The following ASMTL variants were observed in gnomAD, a reference collection of about 807,000 sequenced individuals.
The protein encoded by ASMTL is acetylserotonin O-methyltransferase like, also known as probable bifunctional dTTP/UTP pyrophosphatase/methyltransferase protein.
ASMTL carries 57 observed loss-of-function variants against 60.3 expected under a neutral mutation model. The observed-to-expected ratio is 0.95, with a 90% confidence interval of 0.76 to 1.18. The LOEUF (loss-of-function observed/expected upper bound fraction) is 1.18. Among genes scored for constraint, ASMTL ranks in the 50% most tolerant of loss-of-function variants. The pLI, the probability that ASMTL is intolerant of heterozygous loss-of-function variation, is 0.00. For synonymous variants in ASMTL, 419 were observed against 373.0 expected (o/e 1.12, Z -1.42); for missense variants, 981 against 852.6 (o/e 1.15, Z -1.88).
intron 9 of ASMTL, among the ~76,000 whole-genome samples, chrX:1,420,960 ATT>A (rs57552675): frequency 0.63 from 85,654 of 135,456 alleles, 28,070 homozygotes; most frequent in East Asian, 0.82. Context: ...CTAATCGTTA[ATT>A]TTTTTTTTTT....
chrX:1,452,701 A>G (rs1357059057), intron 1 of ASMTL, 47 bp downstream of exon 1: 3 of 1,498,500 alleles, frequency 2.0e-6, no homozygotes, highest in East Asian at 2.4e-5. Flanking sequence ...TCCGGGGTTC[A>G]GCCCCTCCGT....
intron 1 of ASMTL, among the ~76,000 whole-genome samples, chrX:1,442,869 G>T (rs2091137011): frequency 6.6e-6 from 1 of 152,180 alleles, no homozygotes; most frequent in Non-Finnish European, 1.5e-5. Context: ...GAGACCGTGG[G>T]GTCAGGAATG....
At chrX:1,448,136 C>T (rs1354654959) in intron 1 of ASMTL, among the ~76,000 whole-genome samples, 3 of 148,690 alleles carry the variant, frequency 2.0e-5, no homozygotes, top group Non-Finnish European at 3.0e-5. Context: ...CCATCTTGGA[C>T]ACACACCGCC....
At chrX:1,432,042 G>C (rs2090805088) in intron 6 of ASMTL, 3 of 587,010 alleles carry the variant, frequency 5.1e-6, no homozygotes, top group Admixed American at 3.0e-5. Context: ...CCCAGCGTTG[G>C]CTCCCACCCT....
intron 5 of ASMTL, among the ~76,000 whole-genome samples, chrX:1,433,145 G>T (rs1279770152): frequency 3.3e-5 from 5 of 151,990 alleles, no homozygotes; most frequent in Non-Finnish European, 7.4e-5. Flanking sequence ...GTGCCTCAGG[G>T]TCCGGACACA....
intron 8 of ASMTL, among the ~76,000 whole-genome samples, chrX:1,424,815 C>T (rs2090570463): frequency 6.8e-6 from 1 of 147,738 alleles, no homozygotes; most frequent in Non-Finnish European, 1.5e-5. Flanking sequence ...CCCACCCTTC[C>T]ATTTATCCAT....
chrX:1,408,129 A>T (rs1311713179), intron 12 of ASMTL, among the ~76,000 whole-genome samples: 1 of 120,972 alleles, frequency 8.3e-6, no homozygotes, highest in Non-Finnish European at 1.9e-5. Context: ...TGAGCGCAGG[A>T]GGTCAAGGCT....
At chrX:1,441,679 A>T (rs1226866577) in intron 2 of ASMTL, 1 of 153,768 alleles carries the variant, frequency 6.5e-6, no homozygotes, top group African/African-American at 2.4e-5. Flanking sequence ...ACATAGTAAC[A>T]GATAATCTAC....
intron 4 of ASMTL, 74 bp downstream of exon 4, chrX:1,435,620 G>T: frequency 1.4e-5 from 21 of 1,455,666 alleles, no homozygotes; most frequent in Non-Finnish European, 1.9e-5. Flanking sequence ...TGCTCCCCAG[G>T]ACACCCGGCC....
intron 11 of ASMTL, among the ~76,000 whole-genome samples, chrX:1,417,483 G>A (rs1278115875): frequency 1.4e-5 from 2 of 145,500 alleles, no homozygotes; most frequent in African/African-American, 5.1e-5. Flanking sequence ...ACATATGCAC[G>A]GAAGACACAC....
In ASMTL at chrX:1,433,929, T is replaced by G. The variant is rs147448795; in HGVS notation, c.400+1093A>C. On this transcript the variant is annotated intron_variant, in intron 5 of 12. Transcript: ENST00000381317. The stretch of plus-strand genomic sequence containing the variant: ...AGCCCCTCGAGCAAATGACCCAACC[T>G]GAGCAGGTGCTTGCAGGAGCCAGCA... Among the ~76,000 whole-genome samples the G allele has an allele frequency of 4.2e-3, 643 of 152,236 alleles. 8 individuals carry two copies. Among genetic ancestry groups the G allele is most frequent in the African/African-American group, 0.015 (621 of 41,550 alleles).
intron 1 of ASMTL, among the ~76,000 whole-genome samples, chrX:1,450,752 C>T (rs2091347257): frequency 6.8e-6 from 1 of 147,406 alleles, no homozygotes; most frequent in Admixed American, 6.7e-5. Context: ...CTCCCCCATC[C>T]CTAGGGTTCC....
At position 1,415,840 on chromosome X, in the gene ASMTL, GCACAGA is replaced by G. The variant is rs773580024; in HGVS notation, c.1522+2127_1522+2132del. 8.7e-4 allele frequency among the ~76,000 whole-genome samples: 132 copies of G among 152,084 alleles called. 1 individual carries two copies. Among genetic ancestry groups the G allele is most frequent in the African/African-American group, 2.7e-3 (111 of 41,464 alleles). Reference sequence around the variant, plus strand: ...GACACGCACAGGCAGACCCACGGACGCACAGACACAGACACAGGCACACACACATAT... The same window carrying G: ...GACACGCACAGGCAGACCCACGGACGCACAGACACAGGCACACACACATAT... On this transcript the variant is annotated intron_variant, in intron 11 of 12. Transcript: ENST00000381317.
chrX:1,431,586 C>A (rs1200215847), intron 6 of ASMTL, among the ~76,000 whole-genome samples: 2 of 141,230 alleles, frequency 1.4e-5, no homozygotes, highest in Non-Finnish European at 3.0e-5. Flanking sequence ...ATATAGTATA[C>A]ATATTACAGT....
In ASMTL at chrX:1,436,316, G is replaced by A. The variant is rs1480331182; in HGVS notation, c.274-558C>T. On this transcript the variant is annotated intron_variant, in intron 3 of 12. Transcript: ENST00000381317. ...AGCCTCCCGAGTTGCTGGGAATACA[G>A]GTGCACACCACCATGCCTGGCTAAT... Among the ~76,000 whole-genome samples, 23 of 152,074 alleles carry A rather than the reference G, an allele frequency of 1.5e-4. 1 individual carries two copies. Among genetic ancestry groups the A allele is most frequent in the African/African-American group, 5.3e-4 (22 of 41,464 alleles).
chrX:1,417,808 GAGAC>G, intron 11 of ASMTL, 161 bp downstream of exon 11: 2 of 39,144 alleles, frequency 5.1e-5, no homozygotes, highest in Non-Finnish European at 7.5e-5. Flanking sequence ...TGCACACAGA[GAGAC>G]ACACACACAC....
intron 6 of ASMTL, 92 bp downstream of exon 6, chrX:1,432,174 CCTT>C (rs2090809962): frequency 9.5e-6 from 10 of 1,056,698 alleles, no homozygotes; most frequent in Non-Finnish European, 1.4e-5. Flanking sequence ...AGCGGGGCCT[CCTT>C]CTTTCCCAAA....
At chrX:1,433,984 G>T (rs778889548) in intron 5 of ASMTL, among the ~76,000 whole-genome samples, 1 of 152,304 alleles carries the variant, frequency 6.6e-6, no homozygotes, top group Non-Finnish European at 1.5e-5. Flanking sequence ...GAAAACTACA[G>T]GTGTGACCAG....
chrX:1,433,535 A>C (rs1210680909), intron 5 of ASMTL, among the ~76,000 whole-genome samples: 4 of 147,796 alleles, frequency 2.7e-5, no homozygotes, highest in African/African-American at 5.0e-5. Context: ...AGAAAAAATT[A>C]GCCGGGCGTG....
Sources: allele counts gnomAD v4.1 joint callset (sites outside exome capture counted in the v4.1 genomes callset), GRCh38; gene constraint gnomAD v4.1.1; transcripts MANE v1.5; gene names NCBI Gene and HGNC (gene_info 2026-07-23, HGNC 2026-07-21).